Variants in TPD52L1 observed in about 807,000 individuals in gnomAD.
TPD52L1 encodes the protein tumor protein D53.
Under a neutral mutation model 28.7 loss-of-function variants are expected in TPD52L1, and 18 were observed. The observed-to-expected ratio is 0.63, with a 90% CI of 0.43 to 0.93. The LOEUF is 0.93. TPD52L1 is among the 40% of genes least tolerant of loss of function. TPD52L1 has a pLI of 0.00. For synonymous variants in TPD52L1, 75 were observed against 88.8 expected, an observed-to-expected ratio of 0.84 and a Z score of 0.88; for missense variants, 203 against 254.8, an observed-to-expected ratio of 0.80 and a Z score of 1.39.
chr6:125,160,385 G>A (rs528097137), intron 1 of TPD52L1, among the ~76,000 whole-genome samples: 1 of 152,184 alleles, frequency 6.6e-6, no homozygotes, highest in South Asian at 2.1e-4. Context: ...ATAGATGAAA[G>A]GTCTTGCTCG....
At chr6:125,227,497 A>G (rs1795684160) in intron 2 of TPD52L1, among the ~76,000 whole-genome samples, 1 of 152,188 alleles carries the variant, frequency 6.6e-6, no homozygotes, top group Non-Finnish European at 1.5e-5. Flanking sequence ...GTAGAGTGAC[A>G]CTTTACAGTA....
chr6:125,156,329 G>T (rs1171911026), intron 1 of TPD52L1, among the ~76,000 whole-genome samples: 2 of 151,860 alleles, frequency 1.3e-5, no homozygotes, highest in East Asian at 3.9e-4. Context: ...AGCTGAGTGT[G>T]GTGGCATGTG....
chr6:125,154,467 C>A, intron 1 of TPD52L1: 1 of 986,048 alleles, frequency 1.0e-6, no homozygotes, highest in Middle Eastern at 5.2e-4. Flanking sequence ...ACGCTTCCCG[C>A]TCGGGGACCC....
At chr6:125,176,873 C>CA (rs1263075712) in intron 1 of TPD52L1, among the ~76,000 whole-genome samples, 1 of 151,606 alleles carries the variant, frequency 6.6e-6, no homozygotes, top group South Asian at 2.1e-4. Context: ...CCCATCTCTA[C>CA]AAAAAAATAA....
chr6:125,172,124 CTTTCTTTCTTT>C (rs1791379812), intron 1 of TPD52L1, among the ~76,000 whole-genome samples: 6 of 60,008 alleles, frequency 1.0e-4, no homozygotes, highest in Non-Finnish European at 1.5e-4. Context: ...TTCTTTCTTT[CTTTCTTTCTTT>C]CTTTCTTTCT....
At chr6:125,219,865 T>C in intron 1 of TPD52L1, 1 of 570,314 alleles carries the variant, frequency 1.8e-6, no homozygotes, top group Admixed American at 2.7e-5. Flanking sequence ...CTTCTCATTT[T>C]CTCTTAATTT....
At chr6:125,156,769 A>C (rs1790166945) in intron 1 of TPD52L1, among the ~76,000 whole-genome samples, 1 of 152,164 alleles carries the variant, frequency 6.6e-6, no homozygotes, top group Non-Finnish European at 1.5e-5. Flanking sequence ...ACTCTGTCTC[A>C]AAAACAGATA....
At chr6:125,226,623 A>AT (rs902419385) in intron 2 of TPD52L1, among the ~76,000 whole-genome samples, 1 of 151,696 alleles carries the variant, frequency 6.6e-6, no homozygotes, top group Non-Finnish European at 1.5e-5. Flanking sequence ...TTTTCCCCTT[A>AT]TTTTTTTACA....
At chr6:125,248,831 A>G (rs949237842) in intron 4 of TPD52L1, among the ~76,000 whole-genome samples, 25 of 152,178 alleles carry the variant, frequency 1.6e-4, no homozygotes, top group African/African-American at 6.0e-4. Context: ...TTTATTCCAT[A>G]AAGGTACCAC....
At chr6:125,181,385 C>T (rs1424827009) in intron 1 of TPD52L1, among the ~76,000 whole-genome samples, 1 of 152,068 alleles carries the variant, frequency 6.6e-6, no homozygotes, top group East Asian at 1.9e-4. Flanking sequence ...AGAACTAAGA[C>T]ATTTGAGGGG....
Position 125,263,510 on chromosome 6 carries a change from A to G in TPD52L1, c.*548A>G, listed in dbSNP as rs532269241. ...TTGATTTTAATGACTTTGAATTCTT[A>G]ATTTCTTTGTCTTAAAAGTTGCTAG... On this transcript the variant is annotated 3_prime_UTR_variant, in exon 7 of 7. Transcript: ENST00000534000. 6.6e-6 allele frequency: 1 copy of G among 152,238 alleles called. No individual in the cohort carries two copies. The highest frequency in any genetic ancestry group is 1.5e-5 in the Non-Finnish European group (1 of 68,072). 9.4% of individuals were successfully genotyped at this position (152,238 alleles called of 1,614,324 possible).
chr6:125,191,638 G>A (rs1582895525), intron 1 of TPD52L1, among the ~76,000 whole-genome samples: 1 of 152,262 alleles, frequency 6.6e-6, no homozygotes, highest in South Asian at 2.1e-4. Context: ...GAGAAACAGG[G>A]TGCAGACATT....
chr6:125,244,841 T>C (rs767480369), intron 3 of TPD52L1, among the ~76,000 whole-genome samples: 2 of 152,174 alleles, frequency 1.3e-5, no homozygotes, highest in Admixed American at 6.5e-5. Flanking sequence ...GTCTCTGCTA[T>C]GAGAAACTTC....
At chr6:125,158,571 TGAG>T (rs35478416) in intron 1 of TPD52L1, among the ~76,000 whole-genome samples, 69,195 of 151,666 alleles carry the variant, frequency 0.46, 17,974 homozygotes, top group African/African-American at 0.72. Flanking sequence ...AGAAAATAAA[TGAG>T]GATAAGAAGA....
chr6:125,218,839 C>T (rs1795046922), intron 1 of TPD52L1, among the ~76,000 whole-genome samples: 1 of 152,134 alleles, frequency 6.6e-6, no homozygotes, highest in Non-Finnish European at 1.5e-5. Context: ...GTCCTTGTCA[C>T]ACGACCATGA....
At chr6:125,156,594 ACGCTGTC>A (rs2114723988) in intron 1 of TPD52L1, among the ~76,000 whole-genome samples, 1 of 152,106 alleles carries the variant, frequency 6.6e-6, no homozygotes, top group Admixed American at 6.6e-5. Context: ...ACATGGTGAA[ACGCTGTC>A]TCCACAAAAA....
rs149051783 is a variant in TPD52L1 at position 125,180,369 on chromosome 6, C to T, written c.19+26399C>T. On this transcript the variant is annotated intron_variant, in intron 1 of 6. Coordinates refer to ENST00000534000, the MANE Select transcript of TPD52L1 (RefSeq NM_003287.4). ...AGATTTATTTGAAATTGAGTCTTTC[C>T]CAGAATTATCTACCACCTCTTATGG... Among the ~76,000 whole-genome samples, 625 of 152,096 alleles carry T rather than the reference C, an allele frequency of 4.1e-3. 5 individuals carry two copies. The highest frequency in any genetic ancestry group is 0.014 in the African/African-American group (601 of 41,486).
At chr6:125,182,537 T>A (rs1792275290) in intron 1 of TPD52L1, among the ~76,000 whole-genome samples, 1 of 152,142 alleles carries the variant, frequency 6.6e-6, no homozygotes, top group African/African-American at 2.4e-5. Flanking sequence ...AGTGTGATGA[T>A]GTTCCAGGCA....
intron 1 of TPD52L1, among the ~76,000 whole-genome samples, chr6:125,194,973 G>C (rs778413376): frequency 2.0e-5 from 3 of 152,184 alleles, no homozygotes; most frequent in African/African-American, 7.2e-5. Flanking sequence ...TTCTGAAGTA[G>C]GGAAGTTAAA....
Sources: gnomAD v4.1 joint callset for allele counts (sites outside exome capture counted in the v4.1 genomes callset) on GRCh38, gnomAD v4.1.1 for gene constraint, MANE v1.5 for transcripts, NCBI Gene and HGNC (gene_info 2026-07-23, HGNC 2026-07-21) for gene names.